Variants in ATL2 observed in about 807,000 individuals in gnomAD.
ATL2 encodes atlastin GTPase 2, also known as atlastin-2.
Under a neutral mutation model 73.9 loss-of-function variants are expected in ATL2, and 31 were observed. The observed-to-expected ratio is 0.42, with a 90% CI of 0.32 to 0.57. The LOEUF (loss-of-function observed/expected upper bound fraction) is 0.57. Among genes scored for constraint, ATL2 ranks in the 20% least tolerant of loss-of-function variants. The pLI, the probability that ATL2 is intolerant of heterozygous loss-of-function variation, is 0.14. For synonymous variants in ATL2, 291 were observed against 237.5 expected, an observed-to-expected ratio of 1.23 and a Z score of -2.07; for missense variants, 738 against 702.6, an observed-to-expected ratio of 1.05 and a Z score of -0.57.
chr2:38,346,820 C>T (rs1670043007), intron 1 of ATL2, among the ~76,000 whole-genome samples: 1 of 152,272 alleles, frequency 6.6e-6, no homozygotes, highest in South Asian at 2.1e-4. Flanking sequence ...GGGTTGGGAA[C>T]CCCAGGTTTA....
chr2:38,311,453 T>C (rs1667752530), intron 7 of ATL2, among the ~76,000 whole-genome samples: 1 of 152,050 alleles, frequency 6.6e-6, no homozygotes, highest in African/African-American at 2.4e-5. Flanking sequence ...ACCTGGAAAC[T>C]ACCTAAATCT....
At chr2:38,321,724 T>C (rs1354655520) in intron 2 of ATL2, among the ~76,000 whole-genome samples, 1 of 152,074 alleles carries the variant, frequency 6.6e-6, no homozygotes, top group Non-Finnish European at 1.5e-5. Context: ...CTTTTTTTTC[T>C]TTTTTTGAGA....
chr2:38,367,465 G>A (rs1671396690), intron 1 of ATL2, among the ~76,000 whole-genome samples: 1 of 150,640 alleles, frequency 6.6e-6, no homozygotes, highest in Non-Finnish European at 1.5e-5. Context: ...AATTAGCCGG[G>A]CATGGTGGCG....
chr2:38,362,609 T>C (rs2124472364), intron 1 of ATL2, among the ~76,000 whole-genome samples: 1 of 152,236 alleles, frequency 6.6e-6, no homozygotes, highest in South Asian at 2.1e-4. Context: ...ACACAAGGGG[T>C]GAAAGGTCTA....
rs1350006334 is a variant in ATL2 at position 38,343,255 on chromosome 2, A to G, written c.363+13T>C. ...TTTCTTTTTAATTGGGTTCAATTTA[A>G]AAGACTATTCACCTTGTTATACATG... On this transcript the variant is annotated intron_variant, in intron 2 of 12. Coordinates refer to ENST00000378954, the MANE Select transcript of ATL2 (RefSeq NM_001135673.4). 1 of 1,567,824 alleles carries G rather than the reference A, an allele frequency of 6.4e-7. No individual in the cohort carries two copies. The highest frequency in any genetic ancestry group is 8.6e-7 in the Non-Finnish European group (1 of 1,165,656).
At chr2:38,330,560 T>G (rs1245955680) in intron 2 of ATL2, among the ~76,000 whole-genome samples, 4 of 152,258 alleles carry the variant, frequency 2.6e-5, no homozygotes, top group African/African-American at 9.6e-5. Context: ...TCAATTTGTT[T>G]CAAGGATACA....
intron 10 of ATL2, among the ~76,000 whole-genome samples, chr2:38,299,642 G>A (rs769613119): frequency 4.5e-4 from 68 of 152,202 alleles, no homozygotes; most frequent in Middle Eastern, 3.4e-3. Context: ...CCAGGTGTTA[G>A]GAATCGAGAA....
Position 38,310,255 on chromosome 2 carries a change from A to C in ATL2, c.943+54T>G, listed in dbSNP as rs112531332. 336 of 1,584,404 alleles carry C rather than the reference A, an allele frequency of 2.1e-4. 1 individual carries two copies. The African/African-American group carries it at 4.0e-3, about 19-fold the overall frequency. ...AAGGCGTCATGTATTTTCTTAAAAAACTTTCCACCTCTAATAAATAAGTTC... is the reference window on the plus strand; with the variant it reads ...AAGGCGTCATGTATTTTCTTAAAAACCTTTCCACCTCTAATAAATAAGTTC... On this transcript the variant is annotated intron_variant, in intron 8 of 12. Transcript: ENST00000378954.
chr2:38,332,081 G>C (rs1362542511), intron 2 of ATL2, among the ~76,000 whole-genome samples: 1 of 152,134 alleles, frequency 6.6e-6, no homozygotes, highest in East Asian at 1.9e-4. Context: ...CATTTTTTAA[G>C]ATTCAACTTA....
Position 38,296,271 on chromosome 2 carries a change from C to T in ATL2, c.1633-158G>A, listed in dbSNP as rs1366510951. 5.6e-6 allele frequency: 8 copies of T among 1,437,744 alleles called. No homozygotes were observed. In the Admixed American group the frequency reaches 1.7e-4, roughly 31 times the overall value. 89.1% of individuals were successfully genotyped at this position (1,437,744 alleles called of 1,614,324 possible). The stretch of plus-strand genomic sequence containing the variant: ...TCTCTCAAAAAAACTTATGATGCTA[C>T]TAGACATTTTATAATGCAACAAAAA... On this transcript the variant is annotated intron_variant, in intron 12 of 12. Transcript: ENST00000378954.
Position 38,334,864 on chromosome 2 carries a change from T to A in ATL2, c.363+8404A>T, listed in dbSNP as rs1031041643. 8.6e-5 allele frequency among the ~76,000 whole-genome samples: 3 copies of A among 34,746 alleles called. No homozygotes were observed. In the South Asian group the frequency reaches 2.6e-3, roughly 30 times the overall value. The allele number at this position is 34,746 out of a possible 152,430, so 22.8% of individuals were successfully genotyped here. A position where few individuals can be genotyped will look rare whatever the true frequency, so the allele number is the denominator to read the frequency against. On this transcript the variant is annotated intron_variant, in intron 2 of 12. Coordinates refer to ENST00000378954, the MANE Select transcript of ATL2 (RefSeq NM_001135673.4). ...ATAATTTATATTCAATATTTATATA[T>A]TATATAATATATATTATATAATATA...
In ATL2 at chr2:38,318,521, A is replaced by T; in HGVS notation, c.603+14T>A. Reference sequence around the variant, plus strand: ...TTACGTGAACTGATCGCACCACTTAATCTTGTGTCTCACCTGGACAGAGCT... The same window carrying T: ...TTACGTGAACTGATCGCACCACTTATTCTTGTGTCTCACCTGGACAGAGCT... On this transcript the variant is annotated intron_variant, in intron 4 of 12. Transcript: ENST00000378954. The T allele has an allele frequency of 6.4e-7, 1 of 1,558,664 alleles. No homozygotes were observed. The highest frequency in any genetic ancestry group is 8.7e-7 in the Non-Finnish European group (1 of 1,153,178).
intron 4 of ATL2, 48 bp downstream of exon 4, chr2:38,318,487 G>A: frequency 7.2e-7 from 1 of 1,380,184 alleles, no homozygotes; most frequent in South Asian, 1.4e-5. Context: ...AAAAAAAGGG[G>A]CCAAATGATT....
At chr2:38,330,349 G>C (rs1668915934) in intron 2 of ATL2, among the ~76,000 whole-genome samples, 1 of 151,806 alleles carries the variant, frequency 6.6e-6, no homozygotes, top group African/African-American at 2.4e-5. Context: ...TTAGAAAACA[G>C]ACAAGGATAT....
intron 1 of ATL2, among the ~76,000 whole-genome samples, chr2:38,371,504 A>C (rs79572393): frequency 0.016 from 2,429 of 152,274 alleles, 36 homozygotes; most frequent in East Asian, 0.058. Flanking sequence ...TCGTTTCAAA[A>C]AACATAGAAA....
At chr2:38,316,436 T>C (rs1247787453) in intron 4 of ATL2, among the ~76,000 whole-genome samples, 1 of 152,172 alleles carries the variant, frequency 6.6e-6, no homozygotes, top group Non-Finnish European at 1.5e-5. Flanking sequence ...CTTAGATCAT[T>C]AGTACTTAGC....
intron 2 of ATL2, among the ~76,000 whole-genome samples, chr2:38,330,394 G>A (rs1396692986): frequency 6.6e-6 from 1 of 152,092 alleles, no homozygotes. Context: ...TACTACCAGA[G>A]GTTCTAGCTG....
chr2:38,305,811 T>G (rs531943662), intron 9 of ATL2, among the ~76,000 whole-genome samples: 21 of 151,916 alleles, frequency 1.4e-4, no homozygotes, highest in Non-Finnish European at 2.8e-4. Flanking sequence ...TGGTAATAAG[T>G]GCCTACATCA....
intron 12 of ATL2, chr2:38,296,645 G>A (rs1317580381): frequency 6.3e-7 from 1 of 1,595,684 alleles, no homozygotes; most frequent in East Asian, 2.3e-5. Flanking sequence ...CGAAGCTAAA[G>A]AGTTTAAGAC....
Sources: gnomAD v4.1 joint callset for allele counts (sites outside exome capture counted in the v4.1 genomes callset) on GRCh38, gnomAD v4.1.1 for gene constraint, MANE v1.5 for transcripts, NCBI Gene and HGNC (gene_info 2026-07-23, HGNC 2026-07-21) for gene names.